CD247: variants seen among roughly 807,000 people sequenced by gnomAD.
CD247 encodes T-cell surface glycoprotein CD3 zeta chain.
A neutral mutation model predicts 30.0 loss-of-function variants in CD247; 13 were observed. The ratio of observed to expected loss-of-function variants is 0.43; its 90% CI spans 0.28 to 0.69. CD247 has a LOEUF of 0.69. Among genes scored for constraint, CD247 ranks in the 30% least tolerant of loss-of-function variants. CD247 has a pLI of 0.16. For synonymous variants in CD247, 72 were observed against 80.0 expected, an observed-to-expected ratio of 0.90 and a Z score of 0.53; for missense variants, 193 against 212.6, an observed-to-expected ratio of 0.91 and a Z score of 0.57.
In CD247 at chr1:167,450,491, C is replaced by T. The variant is rs75239456; in HGVS notation, c.59-9724G>A. ...CCTGGTTGACAGAGTGAGACCCTGT[C>T]TCAAAAAAAAATAAGTGAATAAATA... On this transcript the variant is annotated intron_variant, in intron 1 of 7. Transcript: ENST00000362089. Among the ~76,000 whole-genome samples the T allele has an allele frequency of 1.9e-3, 288 of 151,168 alleles. 10 individuals are homozygous for T. In the East Asian group the frequency reaches 0.048, roughly 25 times the overall value.
chr1:167,438,589 G>A lies in CD247; in HGVS notation c.281C>T (p.Pro94Leu), dbSNP rs1333536449. Residue 94 changes from proline (P) to leucine (L), a missense_variant, in exon 4 of 8, where the codon CCT (proline) becomes CTT (leucine). Coordinates refer to ENST00000362089, the MANE Select transcript of CD247 (RefSeq NM_198053.3). ...DVLDKRRGRD[P>L]EMGGKPQRRK... ...CCCTACCGGCTTTCCCCCCATCTCA[G>A]GGTCCCGGCCACGTCTCTTGTCCAA... The A allele has an allele frequency of 6.2e-7, 1 of 1,613,988 alleles. No individual in the cohort carries two copies. Among genetic ancestry groups the A allele is most frequent in the Non-Finnish European group, 8.5e-7 (1 of 1,179,870 alleles).
intron 1 of CD247, among the ~76,000 whole-genome samples, chr1:167,470,351 C>T (rs969369332): frequency 1.3e-5 from 2 of 152,150 alleles, no homozygotes; most frequent in African/African-American, 4.8e-5. Flanking sequence ...TTGTCCTAAG[C>T]AGAACTCCTT....
intron 1 of CD247, among the ~76,000 whole-genome samples, chr1:167,465,258 T>A (rs1319930701): frequency 6.6e-6 from 1 of 151,430 alleles, no homozygotes; most frequent in Non-Finnish European, 1.5e-5. Context: ...CAGTCCCTTA[T>A]AAACTGGAGA....
chr1:167,500,946 G>A (rs111431985), intron 1 of CD247, among the ~76,000 whole-genome samples: 2 of 152,272 alleles, frequency 1.3e-5, no homozygotes, highest in African/African-American at 4.8e-5. Context: ...ACAGGCAGAG[G>A]TGGGGAGAGG....
At chr1:167,439,478 C>A (rs1651718518) in intron 2 of CD247, 78 bp from the exon 3 acceptor site, 1 of 1,293,428 alleles carries the variant, frequency 7.7e-7, no homozygotes, top group Non-Finnish European at 1.1e-6. Context: ...CGCGCGGCGA[C>A]CCGAGGGACA....
chr1:167,484,405 T>C (rs1654113056), intron 1 of CD247, among the ~76,000 whole-genome samples: 1 of 152,260 alleles, frequency 6.6e-6, no homozygotes, highest in Admixed American at 6.5e-5. Context: ...CCCTTCCCCT[T>C]TGGGAGCCCA....
intron 6 of CD247, among the ~76,000 whole-genome samples, chr1:167,433,334 G>A (rs1428581910): frequency 6.6e-6 from 1 of 152,206 alleles, no homozygotes; most frequent in Non-Finnish European, 1.5e-5. Context: ...GGGCCCGCAG[G>A]ACCTATATTG....
intron 1 of CD247, chr1:167,459,903 T>C (rs912342365): frequency 3.3e-5 from 5 of 152,208 alleles, no homozygotes; most frequent in African/African-American, 1.2e-4. Context: ...AAGCCTGGGA[T>C]ATGTTTTATT....
At chr1:167,493,387 G>A (rs772462689) in intron 1 of CD247, among the ~76,000 whole-genome samples, 1 of 151,946 alleles carries the variant, frequency 6.6e-6, no homozygotes, top group Non-Finnish European at 1.5e-5. Context: ...TTCTCCATCT[G>A]TTCCTTTCTG....
At chr1:167,496,898 C>T (rs982630029) in intron 1 of CD247, among the ~76,000 whole-genome samples, 2 of 152,068 alleles carry the variant, frequency 1.3e-5, no homozygotes, top group Non-Finnish European at 2.9e-5. Context: ...GGAATCTTTA[C>T]GGGGAGGCGG....
intron 1 of CD247, among the ~76,000 whole-genome samples, chr1:167,493,104 G>C (rs1358598261): frequency 7.6e-5 from 10 of 131,308 alleles, no homozygotes; most frequent in African/African-American, 2.9e-4. Flanking sequence ...GTGCAGTGGT[G>C]CGATCTCGGC....
At chr1:167,468,680 T>TTCTA (rs1199742738) in intron 1 of CD247, among the ~76,000 whole-genome samples, 1 of 152,184 alleles carries the variant, frequency 6.6e-6, no homozygotes, top group Non-Finnish European at 1.5e-5. Context: ...GGGCTGGTAT[T>TTCTA]TCTACCCTTG....
At chr1:167,446,429 A>T (rs189646878) in intron 1 of CD247, among the ~76,000 whole-genome samples, 1 of 152,288 alleles carries the variant, frequency 6.6e-6, no homozygotes, top group Non-Finnish European at 1.5e-5. Flanking sequence ...TTGTTTTGGA[A>T]CAGTTTTCTT....
At chr1:167,508,646 C>A (rs531641783) in intron 1 of CD247, among the ~76,000 whole-genome samples, 2 of 152,096 alleles carry the variant, frequency 1.3e-5, no homozygotes, top group East Asian at 1.9e-4. Flanking sequence ...GGAGAAAAGA[C>A]AAAGATTTCT....
intron 1 of CD247, among the ~76,000 whole-genome samples, chr1:167,509,992 A>G (rs1655319383): frequency 6.6e-6 from 1 of 152,194 alleles, no homozygotes; most frequent in Non-Finnish European, 1.5e-5. Context: ...ACACCTCTCC[A>G]TGATCCGACA....
At chr1:167,457,201 T>C (rs1259045226) in intron 1 of CD247, among the ~76,000 whole-genome samples, 1 of 152,156 alleles carries the variant, frequency 6.6e-6, no homozygotes, top group African/African-American at 2.4e-5. Flanking sequence ...CTTTTGCTCC[T>C]GGAATGGAGC....
At chr1:167,472,176 CT>C in intron 1 of CD247, among the ~76,000 whole-genome samples, 1 of 152,276 alleles carries the variant, frequency 6.6e-6, no homozygotes. Flanking sequence ...AGGATTCATC[CT>C]TTTCCTATGG....
At chr1:167,473,152 T>C (rs1294180748) in intron 1 of CD247, among the ~76,000 whole-genome samples, 1 of 151,618 alleles carries the variant, frequency 6.6e-6, no homozygotes, top group African/African-American at 2.4e-5. Flanking sequence ...CAGGGAGATC[T>C]ATTCTGAGGC....
intron 1 of CD247, among the ~76,000 whole-genome samples, chr1:167,492,273 C>T (rs981739720): frequency 6.6e-6 from 1 of 152,096 alleles, no homozygotes. Flanking sequence ...GTGTGAAGGA[C>T]CAGGAGAGCC....
Sources: gnomAD v4.1 joint callset for allele counts (sites outside exome capture counted in the v4.1 genomes callset) on GRCh38, gnomAD v4.1.1 for gene constraint, MANE v1.5 for transcripts, NCBI Gene and HGNC (gene_info 2026-07-23, HGNC 2026-07-21) for gene names.